Variants in SLC12A6 observed in about 807,000 individuals in gnomAD.
SLC12A6 encodes the protein solute carrier family 12 member 6.
In SLC12A6, 66 loss-of-function variants were observed where a neutral mutation model predicts 135.3. The ratio of observed to expected loss-of-function variants is 0.49; its 90% CI spans 0.40 to 0.60. The LOEUF is 0.60. Among genes scored for constraint, SLC12A6 ranks in the 20% least tolerant of loss-of-function variants. The pLI, the probability that SLC12A6 is intolerant of heterozygous loss-of-function variation, is 0.00. For missense variants in SLC12A6, 1,058 were observed against 1,452.3 expected (o/e 0.73, Z 4.41); for synonymous variants, 513 against 508.8 (o/e 1.01, Z -0.11).
intron 2 of SLC12A6, among the ~76,000 whole-genome samples, chr15:34,322,343 T>C (rs892413237): frequency 6.6e-6 from 1 of 151,012 alleles, no homozygotes; most frequent in African/African-American, 2.4e-5. Flanking sequence ...ATCATTCCAC[T>C]CCAGCCTGGG....
chr15:34,247,444 G>T (rs1358176435), intron 13 of SLC12A6, among the ~76,000 whole-genome samples: 2 of 152,050 alleles, frequency 1.3e-5, no homozygotes, highest in African/African-American at 4.8e-5. Context: ...GTGAACCCGG[G>T]AGGCAGAGGT....
intron 2 of SLC12A6, among the ~76,000 whole-genome samples, chr15:34,328,894 C>T (rs1025464412): frequency 2.6e-5 from 4 of 152,152 alleles, no homozygotes; most frequent in African/African-American, 7.2e-5. Flanking sequence ...GAGCTAGACC[C>T]TGTCTCAAAA....
At chr15:34,273,228 G>C (rs558985713) in intron 3 of SLC12A6, among the ~76,000 whole-genome samples, 1 of 152,262 alleles carries the variant, frequency 6.6e-6, no homozygotes, top group South Asian at 2.1e-4. Context: ...GCGTGCACCT[G>C]TAGTCCCAGC....
At position 34,336,518 on chromosome 15, in the gene SLC12A6, T is replaced by C. The variant is rs936610396; in HGVS notation, c.163A>G (p.Ser55Gly). Reference sequence around the variant, plus strand: ...ATCTCACTCATAGGCTCACTCCGGCTTGTTTCAGGCACGCTTTCCCGGGAG... The same window carrying C: ...ATCTCACTCATAGGCTCACTCCGGCCTGTTTCAGGCACGCTTTCCCGGGAG... ...FSSRESVPET[S>G]RSEPMSEMSG... Residue 55 changes from serine (S) to glycine (G), a missense_variant, in exon 2 of 26, where the codon AGC (serine) becomes GGC (glycine). Coordinates refer to ENST00000354181, the MANE Select transcript of SLC12A6 (RefSeq NM_001365088.1). The C allele has an allele frequency of 1.9e-6, 3 of 1,613,928 alleles. No individual in the cohort carries two copies. Among genetic ancestry groups the C allele is most frequent in the Non-Finnish European group, 2.5e-6 (3 of 1,179,938 alleles).
At chr15:34,283,171 C>A (rs1320742565) in intron 2 of SLC12A6, among the ~76,000 whole-genome samples, 1 of 151,994 alleles carries the variant, frequency 6.6e-6, no homozygotes, top group African/African-American at 2.4e-5. Context: ...GGTGAAACCC[C>A]ATCTCAACTA....
intron 2 of SLC12A6, among the ~76,000 whole-genome samples, chr15:34,297,061 A>G (rs1374736987): frequency 6.6e-6 from 1 of 152,202 alleles, no homozygotes; most frequent in Non-Finnish European, 1.5e-5. Flanking sequence ...TCCTGCCATT[A>G]ACCCAGCTAA....
intron 17 of SLC12A6, 102 bp from the exon 18 acceptor site, chr15:34,241,439 G>A (rs1405412881): frequency 2.9e-6 from 2 of 692,090 alleles, no homozygotes; most frequent in Non-Finnish European, 5.2e-6. Flanking sequence ...CATGTGCAAG[G>A]TAGAAGATTA....
chr15:34,262,557 G>C (rs932757014), intron 3 of SLC12A6, among the ~76,000 whole-genome samples: 4 of 152,164 alleles, frequency 2.6e-5, no homozygotes, highest in African/African-American at 9.7e-5. Context: ...CCACGCGACG[G>C]GAAGCAGCAG....
chr15:34,285,952 T>G (rs766134651), intron 2 of SLC12A6, among the ~76,000 whole-genome samples: 1 of 152,020 alleles, frequency 6.6e-6, no homozygotes, highest in Non-Finnish European at 1.5e-5. Flanking sequence ...AGTTGTTCAT[T>G]GGGTATAGAA....
intron 2 of SLC12A6, among the ~76,000 whole-genome samples, chr15:34,315,913 T>C (rs1888614892): frequency 6.6e-6 from 1 of 151,994 alleles, no homozygotes; most frequent in Admixed American, 6.6e-5. Context: ...CACTCTAGCC[T>C]GGTGACAGAG....
intron 2 of SLC12A6, among the ~76,000 whole-genome samples, chr15:34,309,925 A>G (rs1888033167): frequency 6.6e-6 from 1 of 152,232 alleles, no homozygotes; most frequent in African/African-American, 2.4e-5. Context: ...TCACTATAGA[A>G]AAGATTTTTA....
chr15:34,229,805 C>T lies in SLC12A6; in HGVS notation c.*4076G>A, dbSNP rs1315123834. 8 of 1,612,354 alleles carry T rather than the reference C, an allele frequency of 5.0e-6. No individual in the cohort carries two copies. Among genetic ancestry groups the T allele is most frequent in the Non-Finnish European group, 5.9e-6 (7 of 1,178,638 alleles). On this transcript the variant is annotated 3_prime_UTR_variant, in exon 26 of 26. Coordinates refer to ENST00000354181, the MANE Select transcript of SLC12A6 (RefSeq NM_001365088.1). ...CTTTTGTGAACATGAGAAAGCAGCG[C>T]CTGGTCCCTATGTATTTGGGTCTTA...
chr15:34,306,094 A>G (rs1896596696), intron 2 of SLC12A6, among the ~76,000 whole-genome samples: 1 of 152,044 alleles, frequency 6.6e-6, no homozygotes, highest in African/African-American at 2.4e-5. Flanking sequence ...AACTCAATAT[A>G]TTGTTTATTC....
At chr15:34,292,442 G>A (rs1293905331) in intron 2 of SLC12A6, among the ~76,000 whole-genome samples, 3 of 152,172 alleles carry the variant, frequency 2.0e-5, no homozygotes, top group East Asian at 1.9e-4. Context: ...GGCTACACAG[G>A]GGTCAGGGAA....
At chr15:34,268,828 T>A (rs1438260398) in intron 3 of SLC12A6, among the ~76,000 whole-genome samples, 2 of 152,088 alleles carry the variant, frequency 1.3e-5, no homozygotes, top group Non-Finnish European at 2.9e-5. Flanking sequence ...ACATCACCTG[T>A]CAGATTACTA....
chr15:34,318,935 C>A (rs898556676), intron 2 of SLC12A6: 21 of 433,702 alleles, frequency 4.8e-5, no homozygotes, highest in Admixed American at 6.4e-5. Flanking sequence ...TTGTTATTAA[C>A]CTGAAGAACC....
At chr15:34,278,606 C>G (rs1194635635) in intron 2 of SLC12A6, among the ~76,000 whole-genome samples, 1 of 151,978 alleles carries the variant, frequency 6.6e-6, no homozygotes, top group Admixed American at 6.6e-5. Context: ...GAGTCTTGCT[C>G]TGTCGCCCAG....
At position 34,308,737 on chromosome 15, in the gene SLC12A6, CTA is replaced by C. The variant is rs149378689; in HGVS notation, c.271+27671_271+27672del. On this transcript the variant is annotated intron_variant, in intron 2 of 25. Coordinates refer to ENST00000354181, the MANE Select transcript of SLC12A6 (RefSeq NM_001365088.1). The stretch of plus-strand genomic sequence containing the variant: ...AGAATATTCTACATTTGTAAATACT[CTA>C]TGCGAAATAAAAAAGCAATCCAAAA... Among the ~76,000 whole-genome samples, 20 of 151,162 alleles carry C rather than the reference CTA, an allele frequency of 1.3e-4. No homozygotes were observed. The East Asian group carries it at 3.9e-3, about 29-fold the overall frequency.
intron 2 of SLC12A6, among the ~76,000 whole-genome samples, chr15:34,322,453 CTGAATTCTAATTCATAATTATA>C (rs1305199774): frequency 1.3e-5 from 2 of 152,016 alleles, no homozygotes; most frequent in Non-Finnish European, 2.9e-5. Flanking sequence ...GCTGCAGTTA[CTGAATTCTAATTCATAATTATA>C]TGAATTCTAA....
Sources: allele counts gnomAD v4.1 joint callset (sites outside exome capture counted in the v4.1 genomes callset), GRCh38; gene constraint gnomAD v4.1.1; transcripts MANE v1.5; gene names NCBI Gene and HGNC (gene_info 2026-07-23, HGNC 2026-07-21).